The following THBS4 variants were observed in gnomAD, a reference collection of about 807,000 sequenced individuals.
The protein encoded by THBS4 is thrombospondin 4, also known as thrombospondin-4.
In THBS4, 90 loss-of-function variants were observed where a neutral mutation model predicts 115.7. That is an observed-to-expected ratio of 0.78 (90% confidence interval 0.66 to 0.93). The LOEUF (loss-of-function observed/expected upper bound fraction) is 0.93. Ranked by LOEUF, THBS4 falls within the 40% of genes least tolerant of loss-of-function variation. THBS4 has a pLI of 0.00. For missense variants in THBS4, 1,087 were observed against 1,232.7 expected, an observed-to-expected ratio of 0.88 and a Z score of 1.77; for synonymous variants, 460 against 479.3, an observed-to-expected ratio of 0.96 and a Z score of 0.53.
intron 15 of THBS4, chr5:80,074,260 T>G (rs1462133388): frequency 6.6e-6 from 1 of 152,202 alleles, no homozygotes; most frequent in Non-Finnish European, 1.5e-5. Flanking sequence ...TTTTCCTTAT[T>G]TAAGTGGAAT....
At chr5:79,995,665 G>A (rs994480092) in intron 1 of THBS4, among the ~76,000 whole-genome samples, 2 of 152,172 alleles carry the variant, frequency 1.3e-5, no homozygotes, top group African/African-American at 4.8e-5. Flanking sequence ...CGGAGCTTGA[G>A]CAGCGGGGCT....
intron 2 of THBS4, among the ~76,000 whole-genome samples, chr5:80,030,081 T>C (rs1832556614): frequency 6.6e-6 from 1 of 152,236 alleles, no homozygotes; most frequent in African/African-American, 2.4e-5. Flanking sequence ...TTTTTTCCTG[T>C]CACTTAAGCA....
At chr5:80,010,568 T>G (rs1436015792) in intron 2 of THBS4, among the ~76,000 whole-genome samples, 1 of 152,214 alleles carries the variant, frequency 6.6e-6, no homozygotes, top group Non-Finnish European at 1.5e-5. Flanking sequence ...GGCCAGCAAA[T>G]AGCTTTCTTT....
intron 2 of THBS4, among the ~76,000 whole-genome samples, chr5:80,009,243 A>G (rs903613432): frequency 1.4e-4 from 22 of 152,238 alleles, no homozygotes; most frequent in African/African-American, 4.8e-4. Context: ...TGAAATTCCA[A>G]CCTAGACCAC....
intron 2 of THBS4, among the ~76,000 whole-genome samples, chr5:80,042,446 C>G (rs1832933033): frequency 6.6e-6 from 1 of 152,218 alleles, no homozygotes; most frequent in Non-Finnish European, 1.5e-5. Flanking sequence ...AAAACTGCTC[C>G]AAGCTTTTGC....
At chr5:80,032,049 C>T (rs1460957897), upstream of THBS4, among the ~76,000 whole-genome samples, 1 of 151,894 alleles carries the variant, frequency 6.6e-6, no homozygotes, top group Non-Finnish European at 1.5e-5. Flanking sequence ...GAAAAAAAAT[C>T]AAACAAATTA....
chr5:80,032,571 A>G (rs1267474301), upstream of THBS4, among the ~76,000 whole-genome samples: 2 of 152,226 alleles, frequency 1.3e-5, no homozygotes, highest in Non-Finnish European at 2.9e-5. Flanking sequence ...TGACAGTGCA[A>G]CCTTTAGTCT....
At chr5:80,046,144 T>C (rs1446618429) in intron 2 of THBS4, among the ~76,000 whole-genome samples, 6 of 152,150 alleles carry the variant, frequency 3.9e-5, no homozygotes, top group Non-Finnish European at 8.8e-5. Context: ...TAATGGGAGA[T>C]TAACAGGTGA....
chr5:80,038,530 G>A (rs1366595577), intron 1 of THBS4, among the ~76,000 whole-genome samples: 1 of 152,072 alleles, frequency 6.6e-6, no homozygotes, highest in African/African-American at 2.4e-5. Flanking sequence ...GATGGTTTGG[G>A]ATGAGTTTAA....
At chr5:80,045,539 T>C (rs1833035246) in intron 2 of THBS4, among the ~76,000 whole-genome samples, 1 of 151,640 alleles carries the variant, frequency 6.6e-6, no homozygotes. Flanking sequence ...GTCTTTTTTT[T>C]TTTTTTTTGA....
At position 80,040,176 on chromosome 5, in the gene THBS4, C is replaced by T. The variant is rs1832851438; in HGVS notation, c.188C>T (p.Thr63Ile). Residue 63 changes from threonine (T) to isoleucine (I), a missense_variant, in exon 2 of 22, where the codon ACC (threonine) becomes ATC (isoleucine). Transcript: ENST00000350881. ...PALNDLYVISTFKLQTKSSAT... is the reference protein window; with the variant it reads ...PALNDLYVISIFKLQTKSSAT... ...CTGAATGATCTCTATGTGATTTCCA[C>T]CTTCAAGCTGCAGACTAAAAGTTCA... The T allele has an allele frequency of 1.2e-5, 19 of 1,614,012 alleles. No individual in the cohort carries two copies. Among genetic ancestry groups the T allele is most frequent in the Non-Finnish European group, 1.5e-5 (18 of 1,180,018 alleles).
At chr5:80,082,296 A>G in intron 20 of THBS4, 110 bp from the exon 21 acceptor site, 2 of 1,443,958 alleles carry the variant, frequency 1.4e-6, no homozygotes, top group Non-Finnish European at 1.9e-6. Flanking sequence ...CCTAAAACAG[A>G]GCAAAGAAAG....
Position 80,074,833 on chromosome 5 carries a change from G to A in THBS4, c.1892+1506G>A, listed in dbSNP as rs187543213. Among the ~76,000 whole-genome samples the A allele has an allele frequency of 2.2e-3, 334 of 152,072 alleles. 1 individual carries two copies. The highest frequency in any genetic ancestry group is 7.1e-3 in the African/African-American group (294 of 41,468). ...TCACCATGTTGGCCAGGCTGGTCTC[G>A]AACTCCTGGCCTCAAGTGATCCACC... On this transcript the variant is annotated intron_variant, in intron 15 of 21. Coordinates refer to ENST00000350881, the MANE Select transcript of THBS4 (RefSeq NM_003248.6).
chr5:80,055,736 C>G (rs759897561), intron 2 of THBS4, 49 bp from the exon 3 acceptor site: 1 of 1,576,034 alleles, frequency 6.3e-7, no homozygotes, highest in Non-Finnish European at 8.6e-7. Context: ...CCCTCCACTT[C>G]CCCCTCTGCC....
chr5:80,046,125 T>A (rs1833058359), intron 2 of THBS4, among the ~76,000 whole-genome samples: 1 of 152,200 alleles, frequency 6.6e-6, no homozygotes, highest in Non-Finnish European at 1.5e-5. Context: ...GCCTACCTCC[T>A]GGAATAGGTA....
chr5:80,056,290 G>A (rs1057378638), intron 3 of THBS4, among the ~76,000 whole-genome samples: 5 of 152,192 alleles, frequency 3.3e-5, no homozygotes, highest in Admixed American at 3.3e-4. Flanking sequence ...CAATTCTAAT[G>A]TGATGCCGAA....
Position 80,070,375 on chromosome 5 carries a change from G to A in THBS4, c.1417G>A (p.Glu473Lys), listed in dbSNP as rs766570487. 31 of 1,613,720 alleles carry A rather than the reference G, an allele frequency of 1.9e-5. No homozygotes were observed. The highest frequency in any genetic ancestry group is 3.3e-4 in the Middle Eastern group (2 of 6,048). The part of the protein sequence containing the change: ...KDVDIDSYPD[E>K]ELPCSARNCK... Reference sequence around the variant, plus strand: ...TGTGGACATCGACAGTTACCCCGACGAAGAACTGCCATGCTCTGCCAGGAA... The same window carrying A: ...TGTGGACATCGACAGTTACCCCGACAAAGAACTGCCATGCTCTGCCAGGAA... The change falls in exon 11 of 22, where the codon GAA (glutamate) becomes AAA (lysine). Residue 473 changes from glutamate to lysine, a missense_variant. Physicochemically the swap from Glu to Lys is moderately conservative, Grantham distance 56 (BLOSUM62 1). This residue lies in a region of THBS4 where 979 missense variants were observed against 1,103.7 expected (regional missense o/e 0.89). Coordinates refer to ENST00000350881, the MANE Select transcript of THBS4 (RefSeq NM_003248.6).
chr5:80,027,843 G>A (rs1832508766), intron 2 of THBS4, among the ~76,000 whole-genome samples: 1 of 145,842 alleles, frequency 6.9e-6, no homozygotes, highest in South Asian at 2.2e-4. Flanking sequence ...GCAGTGAGCC[G>A]AGGTCGTGCC....
intron 2 of THBS4, among the ~76,000 whole-genome samples, chr5:80,011,405 A>T (rs1215727494): frequency 2.0e-5 from 3 of 152,146 alleles, no homozygotes; most frequent in African/African-American, 7.2e-5. Flanking sequence ...GAGGCTGGGA[A>T]ATACAGTCTC....
Sources: gnomAD v4.1 joint callset for allele counts (sites outside exome capture counted in the v4.1 genomes callset) on GRCh38, gnomAD v4.1.1 for gene constraint, gnomAD v4.1.1 regional missense constraint, MANE v1.5 for transcripts, NCBI Gene and HGNC (gene_info 2026-07-23, HGNC 2026-07-21) for gene names.